Variants in TPM3 observed in about 807,000 individuals in gnomAD.
The protein encoded by TPM3 is tropomyosin alpha-3 chain.
Under a neutral mutation model 43.1 loss-of-function variants are expected in TPM3, and 16 were observed. The ratio of observed to expected loss-of-function variants is 0.37; its 90% CI spans 0.25 to 0.56. The LOEUF is 0.56. TPM3 is among the 20% of genes least tolerant of loss of function. TPM3 has a pLI of 0.77. For synonymous variants in TPM3, 101 were observed against 116.9 expected, an observed-to-expected ratio of 0.86 and a Z score of 0.88; for missense variants, 176 against 337.2, an observed-to-expected ratio of 0.52 and a Z score of 3.74.
At chr1:154,183,142 G>A in intron 2 of TPM3, 3 of 1,597,782 alleles carry the variant, frequency 1.9e-6, no homozygotes, top group Non-Finnish European at 2.5e-6. Flanking sequence ...GCTACTGCTC[G>A]CGCTCCGGTT....
chr1:154,183,098 C>T, intron 2 of TPM3: 1 of 1,599,620 alleles, frequency 6.3e-7, no homozygotes, highest in Non-Finnish European at 8.5e-7. Flanking sequence ...TTCACCGCCT[C>T]GATGGTGGTG....
At chr1:154,159,076 C>T (rs1427052734), downstream of TPM3, 1 of 779,590 alleles carries the variant, frequency 1.3e-6, no homozygotes, top group African/African-American at 1.7e-5. Context: ...AGGAGGGGAA[C>T]ACAAGAGAAG....
chr1:154,158,499 T>C (rs1402832837), downstream of TPM3: 4 of 289,728 alleles, frequency 1.4e-5, no homozygotes, highest in African/African-American at 4.3e-5. Context: ...GAGAAGGTGA[T>C]GGCAACACAG....
downstream of TPM3, chr1:154,158,735 A>G (rs1660055556): frequency 3.8e-6 from 2 of 520,106 alleles, no homozygotes; most frequent in South Asian, 4.1e-5. Flanking sequence ...TCTCACTATA[A>G]TCTCTCAGGC....
chr1:154,180,140 AG>A (rs1662789046), intron 2 of TPM3, among the ~76,000 whole-genome samples: 1 of 152,236 alleles, frequency 6.6e-6, no homozygotes, highest in Admixed American at 6.5e-5. Context: ...ACATTATAAA[AG>A]ACCAATTTCC....
chr1:154,182,569 A>C (rs930738117), intron 2 of TPM3, among the ~76,000 whole-genome samples: 4 of 151,612 alleles, frequency 2.6e-5, no homozygotes, highest in Non-Finnish European at 4.4e-5. Flanking sequence ...CCCTCCCCGA[A>C]CAGAGAAGCA....
intron 9 of TPM3, among the ~76,000 whole-genome samples, chr1:154,168,875 G>A (rs1342828792): frequency 1.4e-5 from 2 of 141,808 alleles, no homozygotes; most frequent in Non-Finnish European, 3.1e-5. Flanking sequence ...TCACTCTGTT[G>A]CCCAGGCTGA....
chr1:154,174,403 T>TACACAC (rs1397064423), intron 3 of TPM3, among the ~76,000 whole-genome samples: 3 of 102,124 alleles, frequency 2.9e-5, no homozygotes, highest in African/African-American at 1.4e-4. Context: ...TATATATATA[T>TACACAC]ATATACACAC....
Position 154,183,341 on chromosome 1 carries a change from C to T in TPM3, c.244-7093G>A. ...GCAGGGAGTGGATCCTCCCAGTCGC[C>T]CTGGAGTACGGCTCCCGGCCTTACC... On this transcript the variant is annotated intron_variant, in intron 2 of 9. Coordinates refer to ENST00000651641, the MANE Select transcript of TPM3 (RefSeq NM_152263.4). The T allele has an allele frequency of 3.5e-6, 5 of 1,439,306 alleles. No homozygotes were observed. The South Asian group carries it at 4.1e-5, about 12-fold the overall frequency. 89.2% of individuals were successfully genotyped at this position (1,439,306 alleles called of 1,614,324 possible). A position where few individuals can be genotyped will look rare whatever the true frequency, so the allele number is the denominator to read the frequency against.
Position 154,163,945 on chromosome 1 carries a change from A to AT in TPM3, c.*3991dup, listed in dbSNP as rs1645482449. 6.6e-6 allele frequency among the ~76,000 whole-genome samples: 1 copy of AT among 150,746 alleles called. No homozygotes were observed. Among genetic ancestry groups the AT allele is most frequent in the Non-Finnish European group, 1.5e-5 (1 of 67,622 alleles). On this transcript the variant is annotated 3_prime_UTR_variant, in exon 10 of 10. Coordinates refer to ENST00000651641, the MANE Select transcript of TPM3 (RefSeq NM_152263.4). The stretch of plus-strand genomic sequence containing the variant: ...ACCGTGCCTGGCCTCTTTTTTTTGT[A>AT]TTTGCAATTGTCCTTCATGGTTCTA...
intron 2 of TPM3, among the ~76,000 whole-genome samples, chr1:154,189,349 A>G (rs990037396): frequency 4.6e-5 from 7 of 151,340 alleles, no homozygotes; most frequent in African/African-American, 1.7e-4. Flanking sequence ...TTAGTTGGGT[A>G]TGGTGGCACA....
rs376095488 is a variant in TPM3 at position 154,176,652 on chromosome 1, G to GAAAA, written c.244-405_244-404insTTTT. 1.3e-4 allele frequency among the ~76,000 whole-genome samples: 15 copies of GAAAA among 119,396 alleles called. 2 individuals are homozygous for GAAAA. Among genetic ancestry groups the GAAAA allele is most frequent in the Admixed American group, 1.8e-4 (2 of 11,316 alleles). The allele number at this position is 119,396 out of a possible 152,430, so 78.3% of individuals were successfully genotyped here. A position where few individuals can be genotyped will look rare whatever the true frequency, so the allele number is the denominator to read the frequency against. On this transcript the variant is annotated intron_variant, in intron 2 of 9. Transcript: ENST00000651641. ...AACCTTTCAAGTGTCTCATAAAGCAGGAAAAAAAAAAAAAAAAAAGCAAGG... is the reference window on the plus strand; with the variant it reads ...AACCTTTCAAGTGTCTCATAAAGCAGAAAAGAAAAAAAAAAAAAAAAAAGCAAGG...
chr1:154,182,086 A>G (rs2148278967), intron 2 of TPM3, among the ~76,000 whole-genome samples: 1 of 152,238 alleles, frequency 6.6e-6, no homozygotes, highest in East Asian at 1.9e-4. Context: ...CTGGCACACC[A>G]TCTGATTCTC....
intron 6 of TPM3, 50 bp from the exon 7 acceptor site, chr1:154,170,761 G>T (rs1345740830): frequency 2.5e-5 from 30 of 1,196,844 alleles, no homozygotes; most frequent in Non-Finnish European, 3.1e-5. Flanking sequence ...AGTCACACAG[G>T]CAATACCCCC....
intron 2 of TPM3, chr1:154,178,033 C>A: frequency 1.7e-6 from 1 of 594,436 alleles, no homozygotes; most frequent in Non-Finnish European, 2.1e-6. Flanking sequence ...TTTCTCCTCA[C>A]AAACCCAACA....
rs751321517 is a variant in TPM3 at position 154,173,237 on chromosome 1, T to A, written c.378-36A>T. 7.0e-6 allele frequency: 11 copies of A among 1,569,592 alleles called. No individual in the cohort carries two copies. The South Asian group carries it at 1.2e-4, about 17-fold the overall frequency. On this transcript the variant is annotated intron_variant, in intron 3 of 9. Transcript: ENST00000651641. The stretch of plus-strand genomic sequence containing the variant: ...TAGGACAAAAGCAATACTGACACCC[T>A]GAGGAGTGTGTCGTCAGCTCCACTC...
chr1:154,183,252 C>T (rs1429759003), intron 2 of TPM3: 1 of 1,526,348 alleles, frequency 6.6e-7, no homozygotes, highest in Non-Finnish European at 8.8e-7. Flanking sequence ...GATGTGACGT[C>T]CCTCTGCCGC....
downstream of TPM3, chr1:154,157,687 A>G (rs1309926067): frequency 1.3e-6 from 1 of 780,788 alleles, no homozygotes; most frequent in East Asian, 2.4e-5. Context: ...TCCTTTGTGT[A>G]CAGAGGTGCT....
intron 3 of TPM3, among the ~76,000 whole-genome samples, chr1:154,174,368 G>GTATATATATATATATATA (rs34224787): frequency 1.5e-4 from 7 of 46,350 alleles, no homozygotes; most frequent in African/African-American, 3.4e-4. Flanking sequence ...AAATATATGT[G>GTATATATATATATATATA]TATATATATA....
Sources: allele counts gnomAD v4.1 joint callset (sites outside exome capture counted in the v4.1 genomes callset), GRCh38; gene constraint gnomAD v4.1.1; transcripts MANE v1.5; gene names NCBI Gene and HGNC (gene_info 2026-07-23, HGNC 2026-07-21).